GRSF1: variants seen among roughly 807,000 people sequenced by gnomAD.
GRSF1 encodes G-rich RNA sequence binding factor 1.
In GRSF1, 50 loss-of-function variants were observed where a neutral mutation model predicts 51.1. The observed-to-expected ratio is 0.98, with a 90% CI of 0.78 to 1.24. GRSF1 has a LOEUF of 1.24. Among genes scored for constraint, GRSF1 ranks in the 50% most tolerant of loss-of-function variants. GRSF1 has a pLI of 0.00. For missense variants in GRSF1, 700 were observed against 639.7 expected (o/e 1.09, Z -1.02); for synonymous variants, 293 against 253.3 (o/e 1.16, Z -1.49).
Position 70,827,859 on chromosome 4 carries a change from C to G in GRSF1, c.1128G>C (p.Lys376Asn). The change falls in exon 6 of 10, where the codon AAG becomes AAC. Residue 376 changes from lysine (K) to asparagine (N), a missense_variant. Lys to Asn is a moderately conservative substitution (Grantham distance 94). Transcript: ENST00000254799. ...GAAGAGGCAGGACCTTACCTATTTC[C>G]TTCTCACTTTCAAAAGCTGTCATGG... ...IQPMTAFESE[K>N]EIELPKEVPE... 6.2e-7 allele frequency: 1 copy of G among 1,607,554 alleles called. No individual in the cohort carries two copies. The highest frequency in any genetic ancestry group is 8.5e-7 in the Non-Finnish European group (1 of 1,175,460).
intron 5 of GRSF1, among the ~76,000 whole-genome samples, chr4:70,829,803 TCAAAAAAC>T (rs1733884680): frequency 6.6e-6 from 1 of 151,958 alleles, no homozygotes; most frequent in Non-Finnish European, 1.5e-5. Flanking sequence ...AGATCCTGTC[TCAAAAAAC>T]CAAAAAACCT....
At chr4:70,825,524 T>C (rs1281065386) in intron 7 of GRSF1, 93 bp from the exon 8 acceptor site, 10 of 870,818 alleles carry the variant, frequency 1.1e-5, no homozygotes, top group Non-Finnish European at 1.7e-5. Flanking sequence ...CAGACTTTGA[T>C]TCATACACTT....
intron 2 of GRSF1, among the ~76,000 whole-genome samples, chr4:70,833,559 G>A (rs145371539): frequency 7.9e-5 from 12 of 152,252 alleles, no homozygotes; most frequent in African/African-American, 2.9e-4. Context: ...TATTTCTATT[G>A]CAATGTTTCT....
chr4:70,842,214 A>G (rs958743887), upstream of GRSF1, among the ~76,000 whole-genome samples: 1 of 152,132 alleles, frequency 6.6e-6, no homozygotes, highest in Non-Finnish European at 1.5e-5. Flanking sequence ...GGATACCTGG[A>G]AAGGGGCCAG....
At chr4:70,840,866 G>A (rs993452733), upstream of GRSF1, among the ~76,000 whole-genome samples, 3 of 152,160 alleles carry the variant, frequency 2.0e-5, no homozygotes, top group Non-Finnish European at 2.9e-5. Context: ...ACCGAAACCC[G>A]TGGTGTGAGT....
upstream of GRSF1, among the ~76,000 whole-genome samples, chr4:70,841,254 A>G (rs1734450121): frequency 6.6e-6 from 1 of 152,254 alleles, no homozygotes; most frequent in Non-Finnish European, 1.5e-5. Context: ...ACTGAACTCC[A>G]GCCTGGGTGA....
intron 3 of GRSF1, among the ~76,000 whole-genome samples, chr4:70,832,831 C>T (rs1399608969): frequency 1.3e-5 from 2 of 152,126 alleles, no homozygotes; most frequent in African/African-American, 2.4e-5. Flanking sequence ...GCCTGTAGTC[C>T]CAGCTACTTG....
chr4:70,836,090 T>C, intron 2 of GRSF1, 68 bp downstream of exon 2: 7 of 927,300 alleles, frequency 7.5e-6, no homozygotes, highest in Non-Finnish European at 1.1e-5. Flanking sequence ...ACTTAAAACA[T>C]ACATACCTGC....
chr4:70,839,283 G>A (rs907840794), intron 1 of GRSF1, 188 bp downstream of exon 1: 50 of 1,495,770 alleles, frequency 3.3e-5, no homozygotes, highest in Non-Finnish European at 4.1e-5. Context: ...AAGACCCGAC[G>A]CCTGGGAGAG....
rs1366009706 is a variant in GRSF1, at chr4:70,826,222, T to C, written c.1159A>G (p.Lys387Glu). Reference protein sequence around the residue: ...EIELPKEVPEKLPEAADFGTT... With the variant: ...EIELPKEVPEELPEAADFGTT... ...CCAAAATCAGCAGCCTCTGGAAGCT[T>C]TTCTGGCACCTCCTTAGGCAATTCT... is the stretch of plus-strand genomic sequence containing the variant. Residue 387 changes from lysine (K) to glutamate (E), a missense_variant, in exon 7 of 10, where the codon AAG becomes GAG. Coordinates refer to ENST00000254799, the MANE Select transcript of GRSF1 (RefSeq NM_002092.4). 6.2e-7 allele frequency: 1 copy of C among 1,610,398 alleles called. No homozygotes were observed. Among genetic ancestry groups the C allele is most frequent in the Non-Finnish European group, 8.5e-7 (1 of 1,178,408 alleles).
At chr4:70,840,402 G>T (rs534780734), upstream of GRSF1, among the ~76,000 whole-genome samples, 1 of 152,218 alleles carries the variant, frequency 6.6e-6, no homozygotes, top group African/African-American at 2.4e-5. Flanking sequence ...GAGGCGGGTG[G>T]ACTGCCTGAG....
chr4:70,823,738 TAC>T (rs1022317646), intron 9 of GRSF1, among the ~76,000 whole-genome samples: 5 of 151,832 alleles, frequency 3.3e-5, no homozygotes, highest in African/African-American at 1.2e-4. Context: ...GGCATGGTAG[TAC>T]ACACCTGTAG....
chr4:70,833,210 C>T lies in GRSF1; in HGVS notation c.578G>A (p.Arg193Lys). The change falls in exon 3 of 10, where the codon AGG becomes AAG. Residue 193 changes from arginine to lysine, a missense_variant. Coordinates refer to ENST00000254799, the MANE Select transcript of GRSF1 (RefSeq NM_002092.4). ...HFLLNRDGKR[R>K]GDALIEMESE... The stretch of plus-strand genomic sequence containing the variant: ...CTCCATTTCAATTAAGGCATCACCC[C>T]TTCGTTTCCCATCTCTGTTTAGGAG... 1 of 1,613,924 alleles carries T rather than the reference C, an allele frequency of 6.2e-7. No individual in the cohort carries two copies. Among genetic ancestry groups the T allele is most frequent in the East Asian group, 2.2e-5 (1 of 44,880 alleles).
At chr4:70,840,801 G>A (rs1377487200), upstream of GRSF1, among the ~76,000 whole-genome samples, 1 of 152,074 alleles carries the variant, frequency 6.6e-6, no homozygotes, top group Admixed American at 6.5e-5. Context: ...GGGCCATCCT[G>A]CTCTGGGTAG....
chr4:70,830,541 C>T (rs904016207), intron 5 of GRSF1, among the ~76,000 whole-genome samples: 3 of 150,830 alleles, frequency 2.0e-5, no homozygotes, highest in Non-Finnish European at 3.0e-5. Flanking sequence ...TATTTTTGTC[C>T]GGTGTGCTGG....
chr4:70,839,447 A>G (rs1179760829), intron 1 of GRSF1, 24 bp downstream of exon 1: 5 of 1,462,644 alleles, frequency 3.4e-6, no homozygotes, highest in African/African-American at 1.5e-5. Context: ...ATCTCGCGCC[A>G]GGTCCCTCAC....
rs1401453877 is a variant in GRSF1, at chr4:70,839,531, G to A, written c.297C>T (p.Ala99=). ...CCGCCAGCGACTGCGGCAGCAGAGA[G>A]GCACGGAGGGCAGAGTAGGACGCGG... The part of the protein sequence containing the change: ...AAAASYSALR[A]SLLPQSLAAA... The change falls in exon 1 of 10, where the codon GCC becomes GCT. Residue 99 remains alanine, a synonymous_variant. Transcript: ENST00000254799. The A allele has an allele frequency of 3.4e-6, 5 of 1,449,398 alleles. No individual in the cohort carries two copies. Among genetic ancestry groups the A allele is most frequent in the Non-Finnish European group, 4.5e-6 (5 of 1,106,660 alleles). The allele number at this position is 1,449,398 out of a possible 1,614,324, so 89.8% of individuals were successfully genotyped here. A position where few individuals can be genotyped will look rare whatever the true frequency, so the allele number is the denominator to read the frequency against.
chr4:70,841,072 G>T (rs1289999056), upstream of GRSF1, among the ~76,000 whole-genome samples: 1 of 152,066 alleles, frequency 6.6e-6, no homozygotes, highest in African/African-American at 2.4e-5. Context: ...GAAGTGAGAG[G>T]ATCACTGGAG....
chr4:70,828,932 T>A (rs1733847405), intron 5 of GRSF1, among the ~76,000 whole-genome samples: 1 of 151,874 alleles, frequency 6.6e-6, no homozygotes, highest in Non-Finnish European at 1.5e-5. Flanking sequence ...AGAGACAGGG[T>A]TTCACTATGT....
Sources: gnomAD v4.1 joint callset for allele counts (sites outside exome capture counted in the v4.1 genomes callset) on GRCh38, gnomAD v4.1.1 for gene constraint, MANE v1.5 for transcripts, NCBI Gene and HGNC (gene_info 2026-07-23, HGNC 2026-07-21) for gene names.